Variants in IL1RAPL1 observed in about 807,000 individuals in gnomAD.
IL1RAPL1 encodes interleukin 1 receptor accessory protein like 1, also known as interleukin-1 receptor accessory protein-like 1.
Under a neutral mutation model 48.4 loss-of-function variants are expected in IL1RAPL1, and 3 were observed. The ratio of observed to expected loss-of-function variants is 0.06; its 90% CI spans 0.03 to 0.16. The LOEUF is 0.16. IL1RAPL1 is among the 10% of genes least tolerant of loss of function. The pLI, the probability that IL1RAPL1 is intolerant of heterozygous loss-of-function variation, is 1.00. For missense variants in IL1RAPL1, 349 were observed against 530.6 expected (o/e 0.66, Z 3.36); for synonymous variants, 185 against 187.7 (o/e 0.99, Z 0.12).
At chrX:29,368,845 C>T (rs533940689) in intron 3 of IL1RAPL1, among the ~76,000 whole-genome samples, 1 of 110,002 alleles carries the variant, frequency 9.1e-6, no homozygotes, top group Non-Finnish European at 1.9e-5. Context: ...CTGTCTTGCT[C>T]TATGACCACT....
intron 3 of IL1RAPL1, among the ~76,000 whole-genome samples, chrX:29,343,349 C>T (rs952743102): frequency 3.6e-5 from 4 of 111,373 alleles, no homozygotes; most frequent in African/African-American, 9.8e-5. Flanking sequence ...AAAATTGGGG[C>T]TCATGAGCAA....
At chrX:29,221,626 C>T (rs1227472717) in intron 2 of IL1RAPL1, among the ~76,000 whole-genome samples, 322 of 24,242 alleles carry the variant, frequency 0.013, no homozygotes, top group African/African-American at 0.039. Context: ...CACATACACA[C>T]ACACACACAC....
rs112975089 is a variant in IL1RAPL1, at chrX:28,773,061, A to ATCTCTC, written c.-24-16242_-24-16237dup. On this transcript the variant is annotated intron_variant, in intron 1 of 10. Coordinates refer to ENST00000378993, the MANE Select transcript of IL1RAPL1 (RefSeq NM_014271.4). ...TCAAATAATCCTTTTTTCTTATAAT[A>ATCTCTC]TCTCTCTCTCTCTCTCTCTCTCACT... Among the ~76,000 whole-genome samples, 499 of 105,456 alleles carry ATCTCTC rather than the reference A, an allele frequency of 4.7e-3. 4 individuals carry two copies. The highest frequency in any genetic ancestry group is 0.016 in the African/African-American group (466 of 28,956). 91.6% of individuals were successfully genotyped at this position (105,456 alleles called of 115,157 possible).
chrX:29,187,004 A>G (rs1188860744), intron 2 of IL1RAPL1, among the ~76,000 whole-genome samples: 3 of 111,185 alleles, frequency 2.7e-5, no homozygotes, highest in Admixed American at 9.7e-5. Context: ...CAGGAAGAAT[A>G]GCTAATAGAT....
intron 8 of IL1RAPL1, among the ~76,000 whole-genome samples, chrX:29,927,796 GCTAA>G (rs1411198630): frequency 9.2e-6 from 1 of 109,262 alleles, no homozygotes; most frequent in Non-Finnish European, 1.9e-5. Flanking sequence ...CTTGTATTCA[GCTAA>G]CTCTCAATTA....
intron 2 of IL1RAPL1, among the ~76,000 whole-genome samples, chrX:29,074,876 C>T (rs1012122711): frequency 2.0e-4 from 22 of 111,935 alleles, no homozygotes; most frequent in Admixed American, 1.5e-3. Context: ...AAAAGAAGCC[C>T]TCATTTTCTC....
At chrX:28,596,829 G>A (rs773541153) in intron 1 of IL1RAPL1, among the ~76,000 whole-genome samples, 1 of 110,981 alleles carries the variant, frequency 9.0e-6, no homozygotes, top group African/African-American at 3.3e-5. Context: ...ATGGTTGCTT[G>A]GATCCACAGA....
At chrX:29,677,985 A>G (rs1387287988) in intron 6 of IL1RAPL1, among the ~76,000 whole-genome samples, 2 of 111,609 alleles carry the variant, frequency 1.8e-5, no homozygotes, top group Admixed American at 9.5e-5. Context: ...TTGTTTTTCT[A>G]TAACTGTGAT....
intron 1 of IL1RAPL1, among the ~76,000 whole-genome samples, chrX:28,590,868 C>G (rs1933901461): frequency 8.9e-6 from 1 of 112,004 alleles, no homozygotes; most frequent in Non-Finnish European, 1.9e-5. Context: ...AGCAAATATA[C>G]ATATGTAATT....
At chrX:29,275,698 G>A (rs772837789) in intron 2 of IL1RAPL1, among the ~76,000 whole-genome samples, 16 of 111,680 alleles carry the variant, frequency 1.4e-4, no homozygotes, top group South Asian at 7.5e-4. Flanking sequence ...GAATTTATTC[G>A]TTTTTCTTGT....
At chrX:29,717,830 C>T (rs1049765851) in intron 6 of IL1RAPL1, among the ~76,000 whole-genome samples, 3 of 111,494 alleles carry the variant, frequency 2.7e-5, no homozygotes, top group African/African-American at 9.8e-5. Context: ...TCTGTGTATC[C>T]CAGGTTTACT....
chrX:28,784,470 A>G lies in IL1RAPL1; in HGVS notation c.-24-4850A>G, dbSNP rs771862346. On this transcript the variant is annotated intron_variant, in intron 1 of 10. Coordinates refer to ENST00000378993, the MANE Select transcript of IL1RAPL1 (RefSeq NM_014271.4). ...CTATAATTAAATGTCATTGTTAAACACTAATAGTCACCATAAAGACAAGTA... is the reference window on the plus strand; with the variant it reads ...CTATAATTAAATGTCATTGTTAAACGCTAATAGTCACCATAAAGACAAGTA... Among the ~76,000 whole-genome samples the G allele has an allele frequency of 3.6e-5, 4 of 112,034 alleles. No individual in the cohort carries two copies. The East Asian group carries it at 8.4e-4, about 24-fold the overall frequency.
At chrX:29,614,885 G>A (rs1347659159) in intron 5 of IL1RAPL1, among the ~76,000 whole-genome samples, 2 of 110,391 alleles carry the variant, frequency 1.8e-5, no homozygotes, top group African/African-American at 3.3e-5. Flanking sequence ...GCATGAACCC[G>A]GGAGACGGAG....
At chrX:29,250,590 TG>T (rs373249626) in intron 2 of IL1RAPL1, among the ~76,000 whole-genome samples, 204 of 112,014 alleles carry the variant, frequency 1.8e-3, no homozygotes, top group African/African-American at 6.2e-3. Context: ...AATGTTCTCT[TG>T]TTCCTTATGC....
At chrX:29,157,052 A>G (rs1274102922) in intron 2 of IL1RAPL1, among the ~76,000 whole-genome samples, 1 of 111,710 alleles carries the variant, frequency 9.0e-6, no homozygotes, top group African/African-American at 3.3e-5. Context: ...AGTTAAAGAG[A>G]TAAGAGAACA....
At chrX:29,696,866 C>T (rs951144211) in intron 6 of IL1RAPL1, among the ~76,000 whole-genome samples, 3 of 110,275 alleles carry the variant, frequency 2.7e-5, no homozygotes, top group Admixed American at 9.7e-5. Context: ...ACTTGTGCCT[C>T]GGCATAATTT....
intron 2 of IL1RAPL1, among the ~76,000 whole-genome samples, chrX:28,915,567 A>C (rs759471151): frequency 2.7e-5 from 3 of 111,798 alleles, no homozygotes; most frequent in Non-Finnish European, 5.6e-5. Flanking sequence ...CAGAAACACT[A>C]GAAGTACATT....
intron 2 of IL1RAPL1, among the ~76,000 whole-genome samples, chrX:29,124,111 T>C (rs910692950): frequency 8.9e-6 from 1 of 111,821 alleles, no homozygotes; most frequent in African/African-American, 3.2e-5. Context: ...TTTTCATTTA[T>C]AAGTTAATGG....
chrX:28,658,087 GGTT>G (rs1934769995), intron 1 of IL1RAPL1, among the ~76,000 whole-genome samples: 1 of 112,248 alleles, frequency 8.9e-6, no homozygotes. Context: ...ATGATGAAAA[GGTT>G]GTTTTGTATT....
Sources: allele counts gnomAD v4.1 joint callset (sites outside exome capture counted in the v4.1 genomes callset), GRCh38; gene constraint gnomAD v4.1.1; transcripts MANE v1.5; gene names NCBI Gene and HGNC (gene_info 2026-07-23, HGNC 2026-07-21).